The following AOPEP variants were observed in gnomAD, a reference collection of about 807,000 sequenced individuals.
AOPEP encodes aminopeptidase O (putative).
In AOPEP, 77 loss-of-function variants were observed where a neutral mutation model predicts 98.1. The ratio of observed to expected loss-of-function variants is 0.78; its 90% CI spans 0.65 to 0.95. AOPEP has a LOEUF of 0.95. AOPEP is among the 40% of genes least tolerant of loss of function. The pLI is 0.00. For missense variants in AOPEP, 1,024 were observed against 1,024.7 expected, an observed-to-expected ratio of 1.00 and a Z score of 0.01; for synonymous variants, 346 against 365.3, an observed-to-expected ratio of 0.95 and a Z score of 0.60.
intron 16 of AOPEP, chr9:95,086,404 G>A: frequency 1.0e-6 from 1 of 985,438 alleles, no homozygotes; most frequent in Non-Finnish European, 1.2e-6. Context: ...TCTGAGAACA[G>A]TTAGAGTGGG....
chr9:94,730,085 C>G (rs7037517), intron 1 of AOPEP, among the ~76,000 whole-genome samples: 9,940 of 152,016 alleles, frequency 0.065, 1,073 homozygotes, highest in African/African-American at 0.23. Context: ...GAGATCGAGA[C>G]CATCCTGGCT....
At chr9:94,808,805 C>CA (rs781038875) in intron 5 of AOPEP, among the ~76,000 whole-genome samples, 7 of 152,224 alleles carry the variant, frequency 4.6e-5, no homozygotes, top group Non-Finnish European at 8.8e-5. Flanking sequence ...CCTGGTCCTA[C>CA]CCACCCTTGG....
chr9:94,909,346 T>TAAAAAAAA (rs3052031), intron 5 of AOPEP, among the ~76,000 whole-genome samples: 11 of 81,986 alleles, frequency 1.3e-4, no homozygotes, highest in East Asian at 3.6e-4. Flanking sequence ...TTTGGAGCCT[T>TAAAAAAAA]AAAAAAAAAA....
At chr9:94,967,110 A>G (rs531079255) in intron 9 of AOPEP, among the ~76,000 whole-genome samples, 1 of 152,226 alleles carries the variant, frequency 6.6e-6, no homozygotes, top group East Asian at 1.9e-4. Context: ...GAAATTTTCC[A>G]TAGTAAAGGA....
chr9:94,950,766 T>G (rs2058044482), intron 7 of AOPEP, among the ~76,000 whole-genome samples: 1 of 152,184 alleles, frequency 6.6e-6, no homozygotes, highest in African/African-American at 2.4e-5. Context: ...GTGGCTCTCA[T>G]GCTGACTGCT....
chr9:94,872,793 G>C (rs1324247993), intron 5 of AOPEP, among the ~76,000 whole-genome samples: 1 of 152,188 alleles, frequency 6.6e-6, no homozygotes, highest in Non-Finnish European at 1.5e-5. Context: ...AGACGTGAAA[G>C]ATGAACAAAC....
At chr9:95,005,094 G>C in intron 11 of AOPEP, 64 bp from the exon 12 acceptor site, 2 of 840,538 alleles carry the variant, frequency 2.4e-6, no homozygotes, top group Non-Finnish European at 2.9e-6. Flanking sequence ...GAGTTAGCGG[G>C]CGCGGGGCAG....
chr9:94,750,983 G>C (rs954541835), intron 1 of AOPEP, among the ~76,000 whole-genome samples: 3 of 151,938 alleles, frequency 2.0e-5, no homozygotes, highest in Non-Finnish European at 4.4e-5. Context: ...TCCTGACCTC[G>C]TGATCCGCCC....
intron 4 of AOPEP, among the ~76,000 whole-genome samples, chr9:94,797,703 C>CTTTTT (rs1298082623): frequency 7.7e-6 from 1 of 130,090 alleles, no homozygotes; most frequent in African/African-American, 3.0e-5. Flanking sequence ...TCTCTCATAC[C>CTTTTT]TTTTTTTTTT....
In AOPEP at chr9:95,043,104, A is replaced by T. The variant is rs138764778; in HGVS notation, c.2116-17590A>T. On this transcript the variant is annotated intron_variant, in intron 13 of 16. Coordinates refer to ENST00000375315, the MANE Select transcript of AOPEP (RefSeq NM_001193329.3). Reference sequence around the variant, plus strand: ...CCTGGGCAACAAACTGAGACCCCCCAGCCACCTCATCTACACAAAAATAAG... The same window carrying T: ...CCTGGGCAACAAACTGAGACCCCCCTGCCACCTCATCTACACAAAAATAAG... Among the ~76,000 whole-genome samples, 1,268 of 150,850 alleles carry T rather than the reference A, an allele frequency of 8.4e-3. 25 individuals are homozygous for T. Among genetic ancestry groups the T allele is most frequent in the African/African-American group, 0.029 (1,205 of 41,008 alleles).
intron 1 of AOPEP, among the ~76,000 whole-genome samples, chr9:94,741,728 C>T (rs551998625): frequency 6.6e-6 from 1 of 152,248 alleles, no homozygotes; most frequent in Admixed American, 6.5e-5. Flanking sequence ...ACTCCAAAAT[C>T]TTTGCGGCCC....
rs118000663 is a variant in AOPEP, at chr9:95,060,299, C to T, written c.2116-395C>T. Among the ~76,000 whole-genome samples the T allele has an allele frequency of 4.1e-3, 617 of 152,304 alleles. 2 individuals carry two copies. The highest frequency in any genetic ancestry group is 7.4e-3 in the Non-Finnish European group (501 of 68,020). ...GCCGCATCTTAGTTCTGTGAAATTT[C>T]CAGGTGTTTGCCTGTAATTGGATGG... On this transcript the variant is annotated intron_variant, in intron 13 of 16. Transcript: ENST00000375315.
At chr9:94,791,583 C>T (rs1177252913) in intron 3 of AOPEP, among the ~76,000 whole-genome samples, 2 of 151,908 alleles carry the variant, frequency 1.3e-5, no homozygotes, top group African/African-American at 2.4e-5. Flanking sequence ...GTGGGAGAAT[C>T]ACTTGAGACA....
chr9:94,727,220 A>G (rs1401201480), intron 1 of AOPEP, among the ~76,000 whole-genome samples: 1 of 152,194 alleles, frequency 6.6e-6, no homozygotes, highest in African/African-American at 2.4e-5. Flanking sequence ...TGAGAGCACC[A>G]CATTTTGAGT....
chr9:95,126,423 A>G, the AOPEP span: 1 of 1,120,102 alleles, frequency 8.9e-7, no homozygotes, highest in Non-Finnish European at 1.3e-6. Context: ...CAGAAACTCT[A>G]ATTTCCCCAT....
chr9:95,085,331 T>C (rs987922230), intron 16 of AOPEP: 1 of 483,706 alleles, frequency 2.1e-6, no homozygotes, highest in Non-Finnish European at 4.3e-6. Flanking sequence ...GTGGTCGCGC[T>C]CACTGCAGAT....
intron 5 of AOPEP, among the ~76,000 whole-genome samples, chr9:94,845,614 T>C (rs2042768914): frequency 6.6e-6 from 1 of 152,172 alleles, no homozygotes; most frequent in Admixed American, 6.5e-5. Context: ...CTAGGGTTGG[T>C]AACAGTGAGA....
downstream of AOPEP, among the ~76,000 whole-genome samples, chr9:95,092,014 G>C (rs995844379): frequency 6.6e-6 from 1 of 152,114 alleles, no homozygotes; most frequent in African/African-American, 2.4e-5. Flanking sequence ...ACCAGGCTGT[G>C]GCCTGAGAGA....
intron 5 of AOPEP, among the ~76,000 whole-genome samples, chr9:94,827,969 A>G (rs896982829): frequency 1.3e-5 from 2 of 152,222 alleles, no homozygotes; most frequent in African/African-American, 4.8e-5. Context: ...GACACAGAAT[A>G]AGAACAAGGG....
Sources: allele counts gnomAD v4.1 joint callset (sites outside exome capture counted in the v4.1 genomes callset), GRCh38; gene constraint gnomAD v4.1.1; transcripts MANE v1.5; gene names NCBI Gene and HGNC (gene_info 2026-07-23, HGNC 2026-07-21).